SGCZ: variants seen among roughly 807,000 people sequenced by gnomAD.
SGCZ encodes zeta-sarcoglycan.
In SGCZ, 40 loss-of-function variants were observed where a neutral mutation model predicts 41.3. The ratio of observed to expected loss-of-function variants is 0.97; its 90% CI spans 0.75 to 1.26. The LOEUF (loss-of-function observed/expected upper bound fraction) is 1.26. Among genes scored for constraint, SGCZ ranks in the 50% most tolerant of loss-of-function variants. SGCZ has a pLI of 0.00. For missense variants in SGCZ, 552 were observed against 369.8 expected, an observed-to-expected ratio of 1.49 and a Z score of -4.04; for synonymous variants, 206 against 137.5, an observed-to-expected ratio of 1.50 and a Z score of -3.49.
intron 1 of SGCZ, among the ~76,000 whole-genome samples, chr8:14,996,459 T>C (rs1335394915): frequency 1.3e-5 from 2 of 152,100 alleles, no homozygotes; most frequent in Non-Finnish European, 2.9e-5. Flanking sequence ...TGGAGTGTAA[T>C]GGTGCAATCA....
chr8:14,619,434 G>A (rs905829480), intron 1 of SGCZ, among the ~76,000 whole-genome samples: 1 of 149,648 alleles, frequency 6.7e-6, no homozygotes, highest in African/African-American at 2.5e-5. Context: ...TGGAAGTTCT[G>A]GCCAGGGCAA....
At chr8:14,637,971 G>C (rs2117417607) in intron 1 of SGCZ, among the ~76,000 whole-genome samples, 2 of 151,934 alleles carry the variant, frequency 1.3e-5, no homozygotes, top group Admixed American at 1.3e-4. Context: ...AGCTTTGCCA[G>C]TATCTGTTAT....
intron 1 of SGCZ, among the ~76,000 whole-genome samples, chr8:15,224,729 T>C (rs1490009844): frequency 6.6e-6 from 1 of 152,050 alleles, no homozygotes; most frequent in Non-Finnish European, 1.5e-5. Flanking sequence ...AATAAAAGAA[T>C]GAAAAGAATA....
chr8:14,672,084 G>A (rs112631145), intron 1 of SGCZ, among the ~76,000 whole-genome samples: 17 of 152,154 alleles, frequency 1.1e-4, no homozygotes, highest in Admixed American at 2.0e-4. Flanking sequence ...AGGAAATAGA[G>A]GAAGAGTACT....
intron 4 of SGCZ, among the ~76,000 whole-genome samples, chr8:14,210,324 G>T (rs951451920): frequency 3.3e-5 from 5 of 152,082 alleles, no homozygotes; most frequent in African/African-American, 1.2e-4. Flanking sequence ...CTCCCAAAGT[G>T]CTGGGATTAC....
chr8:14,799,948 G>A (rs368159618), intron 1 of SGCZ, among the ~76,000 whole-genome samples: 2 of 152,000 alleles, frequency 1.3e-5, no homozygotes, highest in Non-Finnish European at 2.9e-5. Flanking sequence ...TATAAACAGA[G>A]GTATTTTTGT....
chr8:15,216,489 G>A (rs949094771), intron 1 of SGCZ, among the ~76,000 whole-genome samples: 1 of 151,850 alleles, frequency 6.6e-6, no homozygotes, highest in Non-Finnish European at 1.5e-5. Context: ...CAAAGTGCTG[G>A]GATTACAGGC....
intron 1 of SGCZ, among the ~76,000 whole-genome samples, chr8:14,811,888 T>C (rs1487168789): frequency 1.3e-5 from 2 of 152,040 alleles, no homozygotes; most frequent in African/African-American, 2.4e-5. Flanking sequence ...ATTTCAATTA[T>C]ATATAAGCAT....
At chr8:14,642,242 T>C (rs1807049378) in intron 1 of SGCZ, among the ~76,000 whole-genome samples, 1 of 151,614 alleles carries the variant, frequency 6.6e-6, no homozygotes, top group South Asian at 2.1e-4. Context: ...ACAAAATCAT[T>C]TACAAAGTAG....
At chr8:14,421,238 T>A (rs1799629220) in intron 2 of SGCZ, among the ~76,000 whole-genome samples, 1 of 152,112 alleles carries the variant, frequency 6.6e-6, no homozygotes, top group South Asian at 2.1e-4. Flanking sequence ...CATGTTTTCT[T>A]TCCTTCTCCT....
At chr8:14,329,041 C>T (rs1048805506) in intron 2 of SGCZ, among the ~76,000 whole-genome samples, 1 of 151,190 alleles carries the variant, frequency 6.6e-6, no homozygotes, top group African/African-American at 2.4e-5. Flanking sequence ...GCCTTCAAAA[C>T]TGTAAGAAAA....
At chr8:14,126,714 G>C (rs1366161643) in intron 5 of SGCZ, among the ~76,000 whole-genome samples, 1 of 152,162 alleles carries the variant, frequency 6.6e-6, no homozygotes, top group Non-Finnish European at 1.5e-5. Context: ...ATTGACAGTA[G>C]CAAAGACATG....
At chr8:14,720,300 C>G (rs1011814349) in intron 1 of SGCZ, among the ~76,000 whole-genome samples, 2 of 151,970 alleles carry the variant, frequency 1.3e-5, no homozygotes, top group South Asian at 2.1e-4. Context: ...CCTTTTCTAA[C>G]TTGATAAAAC....
chr8:14,560,486 G>C (rs746945895), intron 1 of SGCZ, among the ~76,000 whole-genome samples: 1 of 152,048 alleles, frequency 6.6e-6, no homozygotes, highest in African/African-American at 2.4e-5. Flanking sequence ...GAAAGCTGAA[G>C]ACTGAATGTT....
intron 2 of SGCZ, among the ~76,000 whole-genome samples, chr8:14,513,122 A>T (rs532756142): frequency 1.2e-4 from 18 of 152,192 alleles, no homozygotes; most frequent in African/African-American, 4.3e-4. Flanking sequence ...AGCTCAGTGA[A>T]GCCTTGACCT....
At chr8:14,415,496 T>C (rs936311538) in intron 2 of SGCZ, among the ~76,000 whole-genome samples, 5 of 151,840 alleles carry the variant, frequency 3.3e-5, no homozygotes, top group Non-Finnish European at 1.5e-5. Flanking sequence ...ATATCAGAGA[T>C]GAAATAAAGC....
At chr8:14,398,458 C>T (rs73664345) in intron 2 of SGCZ, among the ~76,000 whole-genome samples, 3 of 151,918 alleles carry the variant, frequency 2.0e-5, no homozygotes, top group African/African-American at 7.3e-5. Flanking sequence ...TTATTCATAA[C>T]GTGGCCAGCC....
chr8:14,440,933 T>G (rs1800242915), intron 2 of SGCZ, among the ~76,000 whole-genome samples: 1 of 152,034 alleles, frequency 6.6e-6, no homozygotes, highest in Non-Finnish European at 1.5e-5. Context: ...CTCCTGTTAG[T>G]AAGTCTAAGA....
chr8:14,160,139 T>C (rs1251961814), intron 5 of SGCZ, among the ~76,000 whole-genome samples: 2 of 152,208 alleles, frequency 1.3e-5, no homozygotes, highest in Non-Finnish European at 1.5e-5. Context: ...TTTCTTTTGA[T>C]ATATTTAACT....
Sources: allele counts gnomAD v4.1 joint callset (sites outside exome capture counted in the v4.1 genomes callset), GRCh38; gene constraint gnomAD v4.1.1; transcripts MANE v1.5; gene names NCBI Gene and HGNC (gene_info 2026-07-23, HGNC 2026-07-21).